The following PTPRG variants were observed in gnomAD, a reference collection of about 807,000 sequenced individuals.
PTPRG encodes receptor-type tyrosine-protein phosphatase gamma.
A neutral mutation model predicts 165.3 loss-of-function variants in PTPRG; 102 were observed. The ratio of observed to expected loss-of-function variants is 0.62; its 90% CI spans 0.53 to 0.73. The LOEUF is 0.73. PTPRG is among the 30% of genes least tolerant of loss of function. The pLI is 0.00. For missense variants in PTPRG, 1,866 were observed against 1,861.4 expected (o/e 1.00, Z -0.05); for synonymous variants, 675 against 669.5 (o/e 1.01, Z -0.13).
At chr3:62,201,429 T>G in intron 10 of PTPRG, 76 bp from the exon 11 acceptor site, 1 of 1,137,308 alleles carries the variant, frequency 8.8e-7, no homozygotes. Flanking sequence ...TAATTCAGAT[T>G]TGTGTTCATA....
chr3:62,028,108 G>A (rs1352412455), intron 4 of PTPRG, among the ~76,000 whole-genome samples: 2 of 152,162 alleles, frequency 1.3e-5, no homozygotes, highest in African/African-American at 4.8e-5. Context: ...GTGGTTTACT[G>A]GAAGTCAGAA....
intron 13 of PTPRG, among the ~76,000 whole-genome samples, chr3:62,226,543 T>C (rs1700767905): frequency 6.6e-6 from 1 of 152,244 alleles, no homozygotes; most frequent in South Asian, 2.1e-4. Flanking sequence ...GTGCTAGTTT[T>C]CTTGATATTA....
At chr3:61,693,870 T>C (rs929125125) in intron 1 of PTPRG, among the ~76,000 whole-genome samples, 1 of 151,916 alleles carries the variant, frequency 6.6e-6, no homozygotes, top group African/African-American at 2.4e-5. Flanking sequence ...TAGCCAGGCA[T>C]GGCAGCGGGC....
At chr3:61,677,933 CATGAATTAAAATTT>C (rs1201914092) in intron 1 of PTPRG, among the ~76,000 whole-genome samples, 1 of 152,098 alleles carries the variant, frequency 6.6e-6, no homozygotes, top group East Asian at 1.9e-4. Flanking sequence ...ACCCCTTCCT[CATGAATTAAAATTT>C]ATGAAAGCTG....
At chr3:61,812,357 T>C (rs1468198900) in intron 2 of PTPRG, among the ~76,000 whole-genome samples, 2 of 152,180 alleles carry the variant, frequency 1.3e-5, no homozygotes, top group African/African-American at 2.4e-5. Context: ...ATTTTCCACC[T>C]TCTTTTCAGG....
At chr3:61,749,173 C>T in intron 2 of PTPRG, 191 bp downstream of exon 2, 1 of 685,734 alleles carries the variant, frequency 1.5e-6, no homozygotes, top group Non-Finnish European at 2.7e-6. Context: ...TCTCTACCAC[C>T]TGTTTCCTCA....
At chr3:61,742,973 C>T in intron 1 of PTPRG, 2 of 1,501,298 alleles carry the variant, frequency 1.3e-6, no homozygotes, top group South Asian at 2.2e-5. Context: ...AAGCACTTGT[C>T]CTTCTGGGGG....
intron 5 of PTPRG, among the ~76,000 whole-genome samples, chr3:62,122,719 T>C (rs1257591613): frequency 2.6e-5 from 4 of 152,194 alleles, no homozygotes; most frequent in South Asian, 2.1e-4. Context: ...TCGCTCATTA[T>C]TTTTGCCAAG....
chr3:62,066,264 G>C (rs2106709467), intron 4 of PTPRG, among the ~76,000 whole-genome samples: 1 of 152,338 alleles, frequency 6.6e-6, no homozygotes, highest in Admixed American at 6.5e-5. Context: ...GGTTGAGAAA[G>C]TAACAAACTA....
intron 1 of PTPRG, among the ~76,000 whole-genome samples, chr3:61,658,304 A>G (rs955587449): frequency 1.3e-5 from 2 of 152,154 alleles, no homozygotes; most frequent in Non-Finnish European, 2.9e-5. Flanking sequence ...GATGTCCCTG[A>G]TGAGACGGTG....
intron 1 of PTPRG, among the ~76,000 whole-genome samples, chr3:61,742,077 G>T (rs560467493): frequency 6.6e-6 from 1 of 152,084 alleles, no homozygotes. Flanking sequence ...CAGAGGAGCC[G>T]GGCTCTTTGT....
chr3:61,676,873 G>T (rs1372223253), intron 1 of PTPRG, among the ~76,000 whole-genome samples: 1 of 152,126 alleles, frequency 6.6e-6, no homozygotes, highest in Non-Finnish European at 1.5e-5. Context: ...GTTAGATGGA[G>T]ACTCCTGACC....
At chr3:62,290,717 C>T (rs908553437) in intron 28 of PTPRG, among the ~76,000 whole-genome samples, 3 of 152,002 alleles carry the variant, frequency 2.0e-5, no homozygotes, top group African/African-American at 7.2e-5. Context: ...AACTGGTTAT[C>T]CAATGGAAAA....
At chr3:61,851,514 C>G (rs998672400) in intron 2 of PTPRG, among the ~76,000 whole-genome samples, 3 of 152,152 alleles carry the variant, frequency 2.0e-5, no homozygotes, top group Non-Finnish European at 4.4e-5. Flanking sequence ...CGTGCTTTAT[C>G]TGTATAAACG....
At chr3:61,581,057 TG>T (rs551580098) in intron 1 of PTPRG, among the ~76,000 whole-genome samples, 49 of 152,344 alleles carry the variant, frequency 3.2e-4, no homozygotes, top group Non-Finnish European at 6.0e-4. Flanking sequence ...TCCATTCTGA[TG>T]TTTTTCTCAA....
rs1250968284 is a variant in PTPRG, at chr3:62,265,894, T to TACACACACACACAC, written c.2657-1515_2657-1514insCACACACACACACA. Among the ~76,000 whole-genome samples, 84 of 26,526 alleles carry TACACACACACACAC rather than the reference T, an allele frequency of 3.2e-3. 1 individual carries two copies. Among genetic ancestry groups the TACACACACACACAC allele is most frequent in the African/African-American group, 0.012 (83 of 6,790 alleles). The allele number at this position is 26,526 out of a possible 152,430, so 17.4% of individuals were successfully genotyped here. ...CACACACGTATACATCTGTGCCTTA[T>TACACACACACACAC]ATACACACACACACACACACACACA... On this transcript the variant is annotated intron_variant, in intron 17 of 29. Coordinates refer to ENST00000474889, the MANE Select transcript of PTPRG (RefSeq NM_002841.4).
chr3:62,051,150 A>G lies in PTPRG; in HGVS notation c.520-27013A>G, dbSNP rs1015790140. 2.0e-5 allele frequency among the ~76,000 whole-genome samples: 3 copies of G among 152,350 alleles called. No homozygotes were observed. The South Asian group carries it at 6.2e-4, about 32-fold the overall frequency. On this transcript the variant is annotated intron_variant, in intron 4 of 29. Coordinates refer to ENST00000474889, the MANE Select transcript of PTPRG (RefSeq NM_002841.4). ...TCCTGGTCTACCTCATCAGGCTGCC[A>G]TTCTTCCCACTGGGACCATTAATCC... is the stretch of plus-strand genomic sequence containing the variant.
intron 4 of PTPRG, among the ~76,000 whole-genome samples, chr3:62,018,926 G>A (rs947026889): frequency 2.6e-5 from 4 of 152,332 alleles, no homozygotes; most frequent in African/African-American, 7.2e-5. Context: ...GGAATGGACA[G>A]TGGTGTGCAA....
chr3:62,040,842 A>G (rs921027947), intron 4 of PTPRG, among the ~76,000 whole-genome samples: 21 of 152,150 alleles, frequency 1.4e-4, no homozygotes, highest in African/African-American at 2.2e-4. Context: ...TTTGATTTCT[A>G]TTTTGAGCCT....
Sources: allele counts gnomAD v4.1 joint callset (sites outside exome capture counted in the v4.1 genomes callset), GRCh38; gene constraint gnomAD v4.1.1; transcripts MANE v1.5; gene names NCBI Gene and HGNC (gene_info 2026-07-23, HGNC 2026-07-21).